The following ADCY10 variants were observed in gnomAD, a reference collection of about 807,000 sequenced individuals.
ADCY10 encodes adenylate cyclase type 10.
ADCY10 carries 156 observed loss-of-function variants against 183.3 expected under a neutral mutation model. The observed-to-expected ratio is 0.85, with a 90% confidence interval of 0.75 to 0.97. The LOEUF (loss-of-function observed/expected upper bound fraction) is 0.97, where lower values mean the gene tolerates loss of function less well. Among genes scored for constraint, ADCY10 ranks in the 50% least tolerant of loss-of-function variants. ADCY10 has a pLI of 0.00. For missense variants in ADCY10, 1,745 were observed against 1,934.3 expected (o/e 0.90, Z 1.84); for synonymous variants, 645 against 670.0 (o/e 0.96, Z 0.58).
chr1:167,855,464 C>T (rs542359656), intron 17 of ADCY10, among the ~76,000 whole-genome samples: 1 of 152,358 alleles, frequency 6.6e-6, no homozygotes, highest in Non-Finnish European at 1.5e-5. Flanking sequence ...TACCAGACCA[C>T]ACCATTGCCA....
chr1:167,810,922 A>G lies in ADCY10; in HGVS notation c.4483-9T>C. The G allele has an allele frequency of 6.2e-7, 1 of 1,614,108 alleles. No homozygotes were observed. The highest frequency in any genetic ancestry group is 8.5e-7 in the Non-Finnish European group (1 of 1,179,942). On this transcript the variant is annotated splice_polypyrimidine_tract_variant and intron_variant, in intron 31 of 32. Transcript: ENST00000367851. ...ACCAGATTCTCCAAGTTCTAAAGAA[A>G]AAAAACCCACAACAGTATATTAGAA...
At chr1:167,873,594 T>C (rs1214766876) in intron 13 of ADCY10, among the ~76,000 whole-genome samples, 1 of 152,216 alleles carries the variant, frequency 6.6e-6, no homozygotes, top group Non-Finnish European at 1.5e-5. Context: ...GTCTCTTCTC[T>C]TATAGGTATA....
chr1:167,905,268 A>G (rs1669735259), intron 1 of ADCY10, 70 bp from the exon 2 acceptor site: 1 of 1,224,642 alleles, frequency 8.2e-7, no homozygotes. Flanking sequence ...CTCTTTCTCC[A>G]TTTGTTTTGT....
intron 1 of ADCY10, among the ~76,000 whole-genome samples, chr1:167,905,691 G>A (rs1669766207): frequency 6.6e-6 from 1 of 151,850 alleles, no homozygotes; most frequent in Admixed American, 6.6e-5. Context: ...AAGAGATTAA[G>A]ACTATAAAGG....
intron 26 of ADCY10, among the ~76,000 whole-genome samples, chr1:167,826,395 C>A (rs1248911105): frequency 3.9e-5 from 6 of 152,222 alleles, no homozygotes; most frequent in Non-Finnish European, 5.9e-5. Context: ...TAGGCGGAGT[C>A]CTGGAAACCA....
Position 167,833,993 on chromosome 1 carries a change from T to G in ADCY10, c.3394A>C (p.Thr1132Pro). 1 of 1,614,068 alleles carries G rather than the reference T, an allele frequency of 6.2e-7. No homozygotes were observed. Among genetic ancestry groups the G allele is most frequent in the Non-Finnish European group, 8.5e-7 (1 of 1,179,978 alleles). The change falls in exon 24 of 33, where the codon ACC becomes CCC. Residue 1132 changes from threonine to proline, a missense_variant. Physicochemically the swap from Thr to Pro is conservative, Grantham distance 38 (BLOSUM62 -1). Coordinates refer to ENST00000367851, the MANE Select transcript of ADCY10 (RefSeq NM_018417.6). ...KSWSQTFESA[T>P]FYSLKGEVCF... ...ACCTCACCTTTGAGGCTGTAAAAGG[T>G]GGCAGACTCAAATGTCTGGCTCCAA...
At chr1:167,853,830 C>CTTTTT (rs538462140) in intron 18 of ADCY10, among the ~76,000 whole-genome samples, 8 of 77,184 alleles carry the variant, frequency 1.0e-4, no homozygotes, top group East Asian at 3.8e-4. Context: ...ACTATAGTTA[C>CTTTTT]TTTTTTTTTT....
chr1:167,832,886 T>A, intron 25 of ADCY10, 101 bp downstream of exon 25: 2 of 1,248,068 alleles, frequency 1.6e-6, no homozygotes, highest in Non-Finnish European at 2.3e-6. Context: ...GGAGTCCTTG[T>A]GCCCCCTGGA....
At chr1:167,844,510 A>T (rs1664863393) in intron 21 of ADCY10, among the ~76,000 whole-genome samples, 1 of 152,348 alleles carries the variant, frequency 6.6e-6, no homozygotes, top group South Asian at 2.1e-4. Context: ...GCTCAGGTAT[A>T]ATGAGCAGAG....
At chr1:167,818,294 A>T (rs1424495771) in intron 30 of ADCY10, 27 bp from the exon 31 acceptor site, 1 of 1,594,916 alleles carries the variant, frequency 6.3e-7, no homozygotes, top group Non-Finnish European at 8.6e-7. Flanking sequence ...GAATAAGAAA[A>T]ATCAGTATCA....
intron 8 of ADCY10, among the ~76,000 whole-genome samples, chr1:167,890,959 T>C (rs190989435): frequency 1.3e-5 from 2 of 151,978 alleles, no homozygotes; most frequent in Admixed American, 1.3e-4. Flanking sequence ...ATTTATTTAT[T>C]TAGTTAGTTA....
At chr1:167,910,686 G>C (rs1299038497) in intron 1 of ADCY10, among the ~76,000 whole-genome samples, 3 of 152,190 alleles carry the variant, frequency 2.0e-5, no homozygotes, top group African/African-American at 7.2e-5. Flanking sequence ...ACTGTAAACA[G>C]TATGTTCCGT....
intron 21 of ADCY10, among the ~76,000 whole-genome samples, chr1:167,840,826 G>T (rs1441011236): frequency 6.6e-6 from 1 of 151,998 alleles, no homozygotes; most frequent in Admixed American, 6.6e-5. Flanking sequence ...CCACCTTATG[G>T]TTTCAAAGAA....
intron 8 of ADCY10, among the ~76,000 whole-genome samples, chr1:167,884,905 T>C (rs963401807): frequency 4.6e-5 from 7 of 151,964 alleles, no homozygotes; most frequent in African/African-American, 1.4e-4. Context: ...ACTGTGTTAG[T>C]CAGACTGGTC....
intron 5 of ADCY10, among the ~76,000 whole-genome samples, chr1:167,900,021 G>A (rs911960208): frequency 6.6e-6 from 1 of 152,112 alleles, no homozygotes; most frequent in African/African-American, 2.4e-5. Context: ...AATCCCTTAG[G>A]GTTGAATTTT....
rs754882215 is a variant in ADCY10, at chr1:167,810,919, GA to G, written c.4483-7del. ...GCCACCAGATTCTCCAAGTTCTAAA[GA>G]AAAAAAACCCACAACAGTATATTAG... On this transcript the variant is annotated splice_region_variant and splice_polypyrimidine_tract_variant and intron_variant, in intron 31 of 32. Transcript: ENST00000367851. 11 of 1,612,248 alleles carry G rather than the reference GA, an allele frequency of 6.8e-6. No homozygotes were observed. In the Admixed American group the frequency reaches 8.4e-5, roughly 12 times the overall value.
At chr1:167,888,704 G>A (rs1031376907) in intron 8 of ADCY10, among the ~76,000 whole-genome samples, 33 of 151,930 alleles carry the variant, frequency 2.2e-4, no homozygotes, top group African/African-American at 7.5e-4. Context: ...GTGAAACCTC[G>A]TCTCTATTAA....
intron 19 of ADCY10, 119 bp downstream of exon 19, chr1:167,848,242 G>A (rs1008700275): frequency 1.3e-6 from 1 of 757,004 alleles, no homozygotes; most frequent in Non-Finnish European, 2.2e-6. Context: ...GTAGATACGG[G>A]GTTTCACCAT....
At chr1:167,811,567 C>G (rs554282140) in intron 31 of ADCY10, among the ~76,000 whole-genome samples, 34 of 152,178 alleles carry the variant, frequency 2.2e-4, no homozygotes, top group Non-Finnish European at 4.4e-4. Context: ...AGCCTTGTGA[C>G]AGAGTGAGAC....
Sources: allele counts gnomAD v4.1 joint callset (sites outside exome capture counted in the v4.1 genomes callset), GRCh38; gene constraint gnomAD v4.1.1; transcripts MANE v1.5; gene names NCBI Gene and HGNC (gene_info 2026-07-23, HGNC 2026-07-21).